RASSF8: variants seen among roughly 807,000 people sequenced by gnomAD.
RASSF8 encodes Ras association domain family member 8, also known as ras association domain-containing protein 8.
RASSF8 carries 22 observed loss-of-function variants against 48.5 expected under a neutral mutation model. The ratio of observed to expected loss-of-function variants is 0.45; its 90% confidence interval spans 0.32 to 0.65. The LOEUF is 0.65. Among genes scored for constraint, RASSF8 ranks in the 30% least tolerant of loss-of-function variants. The pLI is 0.03. For missense variants in RASSF8, 418 were observed against 489.2 expected (o/e 0.85, Z 1.37); for synonymous variants, 127 against 171.5 (o/e 0.74, Z 2.03).
chr12:25,965,211 G>A (rs1941330133), intron 1 of RASSF8, among the ~76,000 whole-genome samples: 1 of 152,104 alleles, frequency 6.6e-6, no homozygotes, highest in South Asian at 2.1e-4. Context: ...AAAGTGCTGG[G>A]ATTACAGGCA....
At chr12:26,008,148 C>A (rs1377837978) in intron 2 of RASSF8, among the ~76,000 whole-genome samples, 1 of 152,032 alleles carries the variant, frequency 6.6e-6, no homozygotes, top group Non-Finnish European at 1.5e-5. Context: ...TGGCGGGCGC[C>A]TGTAGTCCCA....
chr12:26,073,503 A>C (rs1944036779), downstream of RASSF8, among the ~76,000 whole-genome samples: 1 of 152,134 alleles, frequency 6.6e-6, no homozygotes, highest in African/African-American at 2.4e-5. Context: ...TTGGGAGGCC[A>C]AGGTGGGCAG....
At chr12:26,005,051 GT>G (rs1565614317) in intron 2 of RASSF8, among the ~76,000 whole-genome samples, 1 of 152,022 alleles carries the variant, frequency 6.6e-6, no homozygotes, top group African/African-American at 2.4e-5. Flanking sequence ...CTTTCTCATT[GT>G]TTTTCCTCTA....
chr12:26,063,301 C>T (rs58299475), intron 3 of RASSF8, among the ~76,000 whole-genome samples: 5,960 of 152,220 alleles, frequency 0.039, 548 homozygotes, highest in East Asian at 0.29. Context: ...AAGCTTATGG[C>T]ATTACAATCA....
intron 3 of RASSF8, among the ~76,000 whole-genome samples, chr12:26,059,249 G>A (rs956377178): frequency 4.6e-5 from 7 of 152,130 alleles, no homozygotes; most frequent in African/African-American, 1.7e-4. Flanking sequence ...GAGGAAAGAA[G>A]GAAGAGAAGG....
chr12:26,039,549 T>C (rs1943221165), intron 2 of RASSF8, among the ~76,000 whole-genome samples: 1 of 152,190 alleles, frequency 6.6e-6, no homozygotes, highest in African/African-American at 2.4e-5. Context: ...CTAAGACTTA[T>C]CAACACTATT....
intron 1 of RASSF8, among the ~76,000 whole-genome samples, chr12:25,969,890 C>CA (rs1200850939): frequency 6.6e-6 from 1 of 152,024 alleles, no homozygotes; most frequent in African/African-American, 2.4e-5. Flanking sequence ...TGAAATGTGC[C>CA]AGTGGCATCC....
At chr12:26,000,833 A>G (rs1213455362) in intron 2 of RASSF8, among the ~76,000 whole-genome samples, 1 of 152,162 alleles carries the variant, frequency 6.6e-6, no homozygotes, top group Admixed American at 6.6e-5. Context: ...TGTATGGGGT[A>G]TTGCCTAGAA....
chr12:26,070,776 C>T lies in RASSF8; in HGVS notation c.*1958C>T, dbSNP rs571049751. 573 of 981,108 alleles carry T rather than the reference C, an allele frequency of 5.8e-4. 9 individuals are homozygous for T. The highest frequency in any genetic ancestry group is 1.1e-3 in the South Asian group (24 of 21,180). 60.8% of individuals were successfully genotyped at this position (981,108 alleles called of 1,614,324 possible). The stretch of plus-strand genomic sequence containing the variant: ...AAAGAAAAACATTTTATAAATTGAT[C>T]GCATTTTCTTTAAGTCAAAATGTTA... On this transcript the variant is annotated 3_prime_UTR_variant, in exon 6 of 6. Coordinates refer to ENST00000689635, the MANE Select transcript of RASSF8 (RefSeq NM_001394098.1).
intron 2 of RASSF8, among the ~76,000 whole-genome samples, chr12:26,010,107 C>T (rs1260033959): frequency 6.6e-6 from 1 of 152,168 alleles, no homozygotes; most frequent in Non-Finnish European, 1.5e-5. Context: ...GTGCCATGGC[C>T]CAGGAATGGC....
In RASSF8 at chr12:25,972,376, A is replaced by G. The variant is rs1941504087; in HGVS notation, c.-203+13228A>G. ...TATTATATAAGCTATAATATGTAAT[A>G]TTATAAATATATAAAGCTGAGTAAG... On this transcript the variant is annotated intron_variant, in intron 1 of 5. Transcript: ENST00000689635. Among the ~76,000 whole-genome samples the G allele has an allele frequency of 2.0e-5, 3 of 152,078 alleles. No homozygotes were observed. The South Asian group carries it at 6.2e-4, about 32-fold the overall frequency.
chr12:26,035,469 T>TACTATATA (rs1943120224), intron 2 of RASSF8, among the ~76,000 whole-genome samples: 1 of 109,674 alleles, frequency 9.1e-6, no homozygotes, highest in Non-Finnish European at 2.0e-5. Flanking sequence ...TATATAATTA[T>TACTATATA]ATTATATAAT....
At chr12:25,969,453 G>A (rs1941433664) in intron 1 of RASSF8, among the ~76,000 whole-genome samples, 1 of 152,156 alleles carries the variant, frequency 6.6e-6, no homozygotes, top group South Asian at 2.1e-4. Context: ...TTGTTAAATA[G>A]AATTAGTAAA....
At chr12:26,027,171 C>A (rs554575375) in intron 2 of RASSF8, among the ~76,000 whole-genome samples, 1 of 152,076 alleles carries the variant, frequency 6.6e-6, no homozygotes, top group Admixed American at 6.6e-5. Context: ...AGTAAATGAT[C>A]GCCTATGGCT....
intron 1 of RASSF8, among the ~76,000 whole-genome samples, chr12:25,973,019 T>C (rs933309036): frequency 2.0e-5 from 3 of 152,116 alleles, no homozygotes; most frequent in African/African-American, 7.2e-5. Flanking sequence ...TAACTGTAGC[T>C]TGTTCATTCT....
intron 2 of RASSF8, among the ~76,000 whole-genome samples, chr12:25,996,332 G>A (rs977708320): frequency 2.6e-5 from 4 of 152,180 alleles, no homozygotes; most frequent in African/African-American, 4.8e-5. Context: ...CTCTCTGATT[G>A]TCACTTAAAT....
chr12:26,070,973 C>T lies in RASSF8; in HGVS notation c.*2155C>T. On this transcript the variant is annotated 3_prime_UTR_variant, in exon 6 of 6. Coordinates refer to ENST00000689635, the MANE Select transcript of RASSF8 (RefSeq NM_001394098.1). ...ACTTGTAGTAGTCTTGGGTTCCCAG[C>T]AGAGTATCACAGTTAACCTCTCTGA... 1.0e-6 allele frequency: 1 copy of T among 984,602 alleles called. No individual in the cohort carries two copies. Among genetic ancestry groups the T allele is most frequent in the Non-Finnish European group, 1.2e-6 (1 of 829,204 alleles). 61.0% of individuals were successfully genotyped at this position (984,602 alleles called of 1,614,324 possible). A position where few individuals can be genotyped will look rare whatever the true frequency, so the allele number is the denominator to read the frequency against.
chr12:26,014,455 G>GT (rs1480711910), intron 2 of RASSF8, among the ~76,000 whole-genome samples: 1 of 152,128 alleles, frequency 6.6e-6, no homozygotes, highest in Non-Finnish European at 1.5e-5. Context: ...TTATTGCGGT[G>GT]TTTTATAGGA....
At chr12:26,008,632 CAG>C (rs531176624) in intron 2 of RASSF8, among the ~76,000 whole-genome samples, 37 of 152,138 alleles carry the variant, frequency 2.4e-4, no homozygotes, top group Non-Finnish European at 3.8e-4. Flanking sequence ...ACATTAATAA[CAG>C]AGTAATTTCT....
Sources: gnomAD v4.1 joint callset for allele counts (sites outside exome capture counted in the v4.1 genomes callset) on GRCh38, gnomAD v4.1.1 for gene constraint, MANE v1.5 for transcripts, NCBI Gene and HGNC (gene_info 2026-07-23, HGNC 2026-07-21) for gene names.